MICAL2: variants seen among roughly 807,000 people sequenced by gnomAD.
The protein encoded by MICAL2 is microtubule associated monooxygenase, calponin and LIM domain containing 2.
A neutral mutation model predicts 127.3 loss-of-function variants in MICAL2; 77 were observed. The observed-to-expected ratio is 0.60, with a 90% CI of 0.50 to 0.73. The LOEUF is 0.73. Ranked by LOEUF, MICAL2 falls within the 30% of genes least tolerant of loss-of-function variation. The pLI, the probability that MICAL2 is intolerant of heterozygous loss-of-function variation, is 0.00. For missense variants in MICAL2, 1,351 were observed against 1,434.4 expected, an observed-to-expected ratio of 0.94 and a Z score of 0.94; for synonymous variants, 570 against 551.1, an observed-to-expected ratio of 1.03 and a Z score of -0.48.
intron 3 of MICAL2, among the ~76,000 whole-genome samples, chr11:12,183,792 T>G (rs1301855217): frequency 6.6e-6 from 1 of 152,108 alleles, no homozygotes; most frequent in Non-Finnish European, 1.5e-5. Flanking sequence ...CTTTTTTTTA[T>G]TTTTTTGAGA....
chr11:12,117,792 C>T (rs1297270477), intron 1 of MICAL2, among the ~76,000 whole-genome samples: 1 of 152,198 alleles, frequency 6.6e-6, no homozygotes, highest in Non-Finnish European at 1.5e-5. Flanking sequence ...GTAGTAAGAT[C>T]AGGATCTCCC....
At chr11:12,313,090 C>T (rs558373956) in intron 29 of MICAL2, among the ~76,000 whole-genome samples, 4 of 136,576 alleles carry the variant, frequency 2.9e-5, no homozygotes, top group African/African-American at 1.1e-4. Context: ...ATGGCGTGAA[C>T]CGGAGAGGCG....
At chr11:12,261,049 A>C in intron 26 of MICAL2, 1 of 985,548 alleles carries the variant, frequency 1.0e-6, no homozygotes, top group Non-Finnish European at 1.2e-6. Flanking sequence ...CCCGGGCTGC[A>C]GGCTGAGCCA....
chr11:12,260,304 C>T, intron 26 of MICAL2: 1 of 1,425,450 alleles, frequency 7.0e-7, no homozygotes, highest in South Asian at 1.5e-5. Flanking sequence ...CAAAGAATTT[C>T]ACATGGGCCA....
rs753112135 is a variant in MICAL2, at chr11:12,241,123, G to A, written c.2298G>A (p.Glu766=). The change falls in exon 18 of 28, where the codon GAG becomes GAA. Residue 766 remains glutamate (E), a synonymous_variant. Transcript: ENST00000683283. The stretch of plus-strand genomic sequence containing the variant: ...TTCACTCTTGCTGCCCCAAGCCGGA[G>A]GAGGCCACACCCAGCCCATCACCTC... ...PPVHSCCPKP[E]EATPSPSPPL... 7 of 1,614,154 alleles carry A rather than the reference G, an allele frequency of 4.3e-6. No individual in the cohort carries two copies. The highest frequency in any genetic ancestry group is 4.5e-5 in the East Asian group (2 of 44,870).
intron 3 of MICAL2, among the ~76,000 whole-genome samples, chr11:12,183,778 G>A (rs1857791017): frequency 2.0e-5 from 3 of 152,136 alleles, no homozygotes; most frequent in Non-Finnish European, 2.9e-5. Flanking sequence ...TTATGGCTGT[G>A]AGACTTTTTT....
intron 1 of MICAL2, among the ~76,000 whole-genome samples, chr11:12,129,672 G>A (rs1290632468): frequency 9.9e-6 from 1 of 101,126 alleles, no homozygotes; most frequent in Non-Finnish European, 1.9e-5. Context: ...CCTCAATTAC[G>A]TGGACAGTTT....
intron 22 of MICAL2, among the ~76,000 whole-genome samples, chr11:12,250,969 G>A (rs984257370): frequency 2.0e-5 from 3 of 152,168 alleles, no homozygotes; most frequent in African/African-American, 4.8e-5. Context: ...CATGAGTTGA[G>A]CATTTATTTC....
intron 29 of MICAL2, among the ~76,000 whole-genome samples, chr11:12,302,223 G>T (rs1034869703): frequency 6.6e-6 from 1 of 152,206 alleles, no homozygotes; most frequent in Non-Finnish European, 1.5e-5. Flanking sequence ...TTAAGAAGAG[G>T]ATTCAGAGGA....
Position 12,349,922 on chromosome 11 carries a change from C to T in MICAL2, c.5600C>T (p.Ser1867Leu), listed in dbSNP as rs765801924. The change falls in exon 33 of 35, where the codon TCG becomes TTG. Residue 1867 changes from serine to leucine, a missense_variant. By Grantham distance (145) the Ser-to-Leu change is moderately radical. Transcript: ENST00000646065. ...AAGAATAAATTAATGCGATATGAGTCGGAGCTCCTAATCATGTAAGTAAGG... is the reference window on the plus strand; with the variant it reads ...AAGAATAAATTAATGCGATATGAGTTGGAGCTCCTAATCATGTAAGTAAGG... 1.1e-5 allele frequency: 18 copies of T among 1,613,702 alleles called. No homozygotes were observed. The highest frequency in any genetic ancestry group is 8.9e-5 in the East Asian group (4 of 44,860).
At chr11:12,210,692 C>G (rs1296501652) in intron 6 of MICAL2, among the ~76,000 whole-genome samples, 1 of 152,198 alleles carries the variant, frequency 6.6e-6, no homozygotes, top group Non-Finnish European at 1.5e-5. Context: ...ATCCAGGACC[C>G]ATTTTCAGCT....
chr11:12,258,531 G>A lies in MICAL2; in HGVS notation c.3206G>A (p.Arg1069Gln), dbSNP rs1030535972. The A allele has an allele frequency of 8.1e-6, 13 of 1,613,884 alleles. No homozygotes were observed. The highest frequency in any genetic ancestry group is 2.7e-5 in the African/African-American group (2 of 74,940). ...CKTNSKQRKR[R>Q]AELKQQREEE... is the part of the protein sequence containing the mutation. ...ACCAATAGCAAACAACGGAAGAGACGGGCAGAGTTGAAGCAACAAAGAGAG... is the reference window on the plus strand; with the variant it reads ...ACCAATAGCAAACAACGGAAGAGACAGGCAGAGTTGAAGCAACAAAGAGAG... Residue 1069 changes from arginine to glutamine, a missense_variant, in exon 25 of 28, where the codon CGG becomes CAG. This residue lies in a region of MICAL2 where 752 missense variants were observed against 719.4 expected (regional missense o/e 1.05). Coordinates refer to ENST00000683283, the MANE Select transcript of MICAL2 (RefSeq NM_001282663.2).
In MICAL2 at chr11:12,208,114, G is replaced by A. The variant is rs754464134; in HGVS notation, c.564G>A (p.Glu188=). The A allele has an allele frequency of 6.8e-6, 11 of 1,613,736 alleles. No individual in the cohort carries two copies. In the South Asian group the frequency reaches 9.9e-5, roughly 14 times the overall value. ...HVNVEFVKVL[E]PPEDQENQKI... ...ATGTGGAGTTCGTGAAGGTTCTAGA[G>A]CCTCCTGAAGATCAAGAAAATCAAA... The change falls in exon 5 of 28, where the codon GAG becomes GAA. Residue 188 remains glutamate, a synonymous_variant. Coordinates refer to ENST00000683283, the MANE Select transcript of MICAL2 (RefSeq NM_001282663.2).
intron 2 of MICAL2, among the ~76,000 whole-genome samples, chr11:12,142,110 T>G (rs1852407720): frequency 1.3e-5 from 2 of 152,186 alleles, no homozygotes; most frequent in Admixed American, 6.5e-5. Context: ...CAGTTCCATG[T>G]TGCCTCCTCA....
rs34751772 is a variant in MICAL2, at chr11:12,255,648, G to A, written c.2853G>A (p.Thr951=). Residue 951 remains threonine, a synonymous_variant, in exon 23 of 28, where the codon ACG becomes ACA. Coordinates refer to ENST00000683283, the MANE Select transcript of MICAL2 (RefSeq NM_001282663.2). ...SHLRTVHPQL[T]VGKVSSGIGA... The stretch of plus-strand genomic sequence containing the variant: ...CTGCCTCTGCTCTTGGTTAGCTGAC[G>A]GTAGGGAAAGTGTCCAGCGGAATAG... The A allele has an allele frequency of 1.1e-3, 1,799 of 1,613,968 alleles. 18 individuals carry two copies. In the African/African-American group the frequency reaches 0.021, roughly 19 times the overall value.
chr11:12,325,955 G>T (rs925421789), intron 31 of MICAL2, among the ~76,000 whole-genome samples: 6 of 152,222 alleles, frequency 3.9e-5, no homozygotes, highest in Non-Finnish European at 7.3e-5. Context: ...CTTTAAGGGA[G>T]AGACAGGAAG....
chr11:12,361,111 A>G (rs183331181), downstream of MICAL2, among the ~76,000 whole-genome samples: 1 of 152,310 alleles, frequency 6.6e-6, no homozygotes, highest in Non-Finnish European at 1.5e-5. Flanking sequence ...GCCAAACTAT[A>G]TAGGACTCTG....
chr11:12,278,407 G>A (rs893402810), intron 1 of MICAL2, among the ~76,000 whole-genome samples: 4 of 152,154 alleles, frequency 2.6e-5, no homozygotes, highest in African/African-American at 7.2e-5. Flanking sequence ...AAACACGTGA[G>A]TGACACCTTT....
chr11:12,346,034 G>A (rs1315342254), intron 32 of MICAL2, among the ~76,000 whole-genome samples: 2 of 152,196 alleles, frequency 1.3e-5, no homozygotes, highest in East Asian at 3.8e-4. Flanking sequence ...CTTCCTCCAG[G>A]AAGAAAAACT....
Sources: gnomAD v4.1 joint callset for allele counts (sites outside exome capture counted in the v4.1 genomes callset) on GRCh38, gnomAD v4.1.1 for gene constraint, gnomAD v4.1.1 regional missense constraint, MANE v1.5 for transcripts, NCBI Gene and HGNC (gene_info 2026-07-23, HGNC 2026-07-21) for gene names.